Variants in INPP4B observed in about 807,000 individuals in gnomAD.
INPP4B encodes the protein inositol polyphosphate 4-phosphatase type II.
In INPP4B, 55 loss-of-function variants were observed where a neutral mutation model predicts 122.5. The observed-to-expected ratio is 0.45, with a 90% CI of 0.36 to 0.56. The LOEUF is 0.56. INPP4B is among the 20% of genes least tolerant of loss of function. The probability of loss-of-function intolerance (pLI) is 0.00; values close to 1 mark genes in which losing one functional copy is unlikely to be tolerated. For synonymous variants in INPP4B, 403 were observed against 388.7 expected (o/e 1.04, Z -0.43); for missense variants, 1,000 against 1,097.7 (o/e 0.91, Z 1.26).
At chr4:142,123,731 A>AT (rs573246166) in intron 19 of INPP4B, among the ~76,000 whole-genome samples, 2 of 152,114 alleles carry the variant, frequency 1.3e-5, no homozygotes, top group South Asian at 4.1e-4. Context: ...AAATCTTACT[A>AT]TTTTTTGTAC....
At chr4:142,653,008 A>C (rs1453320604) in intron 2 of INPP4B, among the ~76,000 whole-genome samples, 2 of 152,228 alleles carry the variant, frequency 1.3e-5, no homozygotes, top group Non-Finnish European at 2.9e-5. Flanking sequence ...ACAGCATGGT[A>C]CTGGTACCAA....
chr4:142,580,466 T>C (rs1163572984), intron 2 of INPP4B, among the ~76,000 whole-genome samples: 1 of 151,936 alleles, frequency 6.6e-6, no homozygotes, highest in Non-Finnish European at 1.5e-5. Context: ...AAATTTTTCT[T>C]AGGAATCTCT....
At chr4:142,089,436 A>ACCACACAC (rs1778376296) in intron 23 of INPP4B, among the ~76,000 whole-genome samples, 4 of 128,184 alleles carry the variant, frequency 3.1e-5, no homozygotes, top group Non-Finnish European at 6.4e-5. Context: ...AGATGTTCTC[A>ACCACACAC]CCACACACAC....
At chr4:142,245,833 T>A (rs1409203873) in intron 11 of INPP4B, among the ~76,000 whole-genome samples, 5 of 113,336 alleles carry the variant, frequency 4.4e-5, no homozygotes, top group East Asian at 2.6e-4. Context: ...TGTGTATGTA[T>A]ACATATATAT....
chr4:142,187,986 T>C (rs1191668808), intron 15 of INPP4B, among the ~76,000 whole-genome samples: 1 of 152,078 alleles, frequency 6.6e-6, no homozygotes, highest in African/African-American at 2.4e-5. Flanking sequence ...ATGTAGATTA[T>C]ATGTGGGAAA....
intron 12 of INPP4B, among the ~76,000 whole-genome samples, chr4:142,231,176 A>C (rs776063235): frequency 6.6e-6 from 1 of 152,194 alleles, no homozygotes; most frequent in Non-Finnish European, 1.5e-5. Context: ...GACTAACAGC[A>C]AGTGTGTTTT....
chr4:142,633,744 C>CA (rs1330336259), intron 2 of INPP4B, among the ~76,000 whole-genome samples: 1 of 151,472 alleles, frequency 6.6e-6, no homozygotes, highest in East Asian at 1.9e-4. Context: ...TAGAGAATAT[C>CA]AAAAAGGTAA....
chr4:142,845,550 G>C (rs1180857223), intron 1 of INPP4B, among the ~76,000 whole-genome samples: 1 of 152,178 alleles, frequency 6.6e-6, no homozygotes, highest in Non-Finnish European at 1.5e-5. Flanking sequence ...GCTGCCTGAT[G>C]GCCGAGAGAA....
chr4:142,239,308 T>A (rs182701871), intron 11 of INPP4B, among the ~76,000 whole-genome samples: 1 of 152,238 alleles, frequency 6.6e-6, no homozygotes, highest in East Asian at 1.9e-4. Context: ...TGTACATGCG[T>A]CCTGCCAAGA....
intron 25 of INPP4B, among the ~76,000 whole-genome samples, chr4:142,066,054 A>C: frequency 6.6e-6 from 1 of 152,060 alleles, no homozygotes; most frequent in Non-Finnish European, 1.5e-5. Flanking sequence ...CTCTGGGAAG[A>C]GTCTCATGAT....
chr4:142,406,535 AG>A (rs538805137), intron 5 of INPP4B, among the ~76,000 whole-genome samples: 283 of 152,370 alleles, frequency 1.9e-3, no homozygotes, highest in African/African-American at 6.6e-3. Flanking sequence ...TAGAAAAAGC[AG>A]GAACTTCGGA....
intron 1 of INPP4B, among the ~76,000 whole-genome samples, chr4:142,761,563 G>A (rs1470969915): frequency 6.6e-6 from 1 of 151,958 alleles, no homozygotes; most frequent in Non-Finnish European, 1.5e-5. Context: ...TGTTCACAGT[G>A]GATGCCATTG....
intron 5 of INPP4B, among the ~76,000 whole-genome samples, chr4:142,420,875 TC>T (rs1455094263): frequency 6.6e-6 from 1 of 152,114 alleles, no homozygotes; most frequent in African/African-American, 2.4e-5. Flanking sequence ...GTGGCTAGAC[TC>T]CCTGCTCAAG....
At chr4:142,029,135 CT>C in intron 25 of INPP4B, 2 of 1,236,968 alleles carry the variant, frequency 1.6e-6, no homozygotes, top group South Asian at 6.3e-5. Context: ...AGTCTCTTTA[CT>C]CTTAACATTT....
chr4:142,381,989 T>C (rs1258850355), intron 7 of INPP4B, among the ~76,000 whole-genome samples: 1 of 152,130 alleles, frequency 6.6e-6, no homozygotes, highest in African/African-American at 2.4e-5. Flanking sequence ...ACTATTATTT[T>C]TAAAATTCCT....
At chr4:142,508,397 C>T (rs1471731482) in intron 2 of INPP4B, among the ~76,000 whole-genome samples, 2 of 152,076 alleles carry the variant, frequency 1.3e-5, no homozygotes, top group East Asian at 1.9e-4. Flanking sequence ...CTCAGCCTCC[C>T]GAGGTAGCTG....
At chr4:142,432,774 C>A (rs551279441) in intron 3 of INPP4B, among the ~76,000 whole-genome samples, 24 of 152,186 alleles carry the variant, frequency 1.6e-4, no homozygotes, top group Non-Finnish European at 2.6e-4. Flanking sequence ...TATTTCTTGA[C>A]CAAAGACTCA....
chr4:142,399,683 G>A (rs368226296), intron 7 of INPP4B, among the ~76,000 whole-genome samples: 1 of 152,236 alleles, frequency 6.6e-6, no homozygotes, highest in African/African-American at 2.4e-5. Context: ...ATACGAACTA[G>A]GGTTCTCATA....
chr4:142,716,666 A>C (rs1275438458), intron 2 of INPP4B, among the ~76,000 whole-genome samples: 1 of 152,252 alleles, frequency 6.6e-6, no homozygotes, highest in African/African-American at 2.4e-5. Flanking sequence ...GTTTCCTAAC[A>C]GGCCAGGTAG....
Sources: allele counts gnomAD v4.1 joint callset (sites outside exome capture counted in the v4.1 genomes callset), GRCh38; gene constraint gnomAD v4.1.1; transcripts MANE v1.5; gene names NCBI Gene and HGNC (gene_info 2026-07-23, HGNC 2026-07-21).